The following TMEM132D variants were observed in gnomAD, a reference collection of about 807,000 sequenced individuals.
TMEM132D encodes transmembrane protein 132D, also known as mature OL transmembrane protein.
A neutral mutation model predicts 62.3 loss-of-function variants in TMEM132D; 21 were observed. The observed-to-expected ratio is 0.34, with a 90% CI of 0.24 to 0.49. TMEM132D has a LOEUF of 0.49. TMEM132D is among the 20% of genes least tolerant of loss of function. The probability of loss-of-function intolerance (pLI) is 0.99; values close to 1 mark genes in which losing one functional copy is unlikely to be tolerated. For missense variants in TMEM132D, 1,346 were observed against 1,402.8 expected (o/e 0.96, Z 0.65); for synonymous variants, 621 against 575.6 (o/e 1.08, Z -1.13).
At chr12:129,642,504 T>C (rs182166948) in intron 2 of TMEM132D, among the ~76,000 whole-genome samples, 31 of 152,290 alleles carry the variant, frequency 2.0e-4, no homozygotes, top group African/African-American at 6.5e-4. Flanking sequence ...GATGCAGCTC[T>C]TCCTTCCATC....
chr12:129,503,867 C>G (rs1216357692), intron 3 of TMEM132D, among the ~76,000 whole-genome samples: 1 of 152,040 alleles, frequency 6.6e-6, no homozygotes, highest in Non-Finnish European at 1.5e-5. Flanking sequence ...GATTTTCCTC[C>G]TCCTCCTCAT....
chr12:129,332,371 C>A (rs375397746), intron 4 of TMEM132D, among the ~76,000 whole-genome samples: 258 of 152,122 alleles, frequency 1.7e-3, no homozygotes, highest in African/African-American at 5.6e-3. Context: ...GAAAAAAATA[C>A]AAAATATTAA....
At chr12:129,731,559 A>G (rs1222611438) in intron 1 of TMEM132D, among the ~76,000 whole-genome samples, 1 of 152,184 alleles carries the variant, frequency 6.6e-6, no homozygotes, top group Admixed American at 6.5e-5. Context: ...GAATAACAGC[A>G]AGGAGATCCG....
intron 1 of TMEM132D, among the ~76,000 whole-genome samples, chr12:129,849,584 A>G (rs568455721): frequency 1.1e-4 from 17 of 152,318 alleles, no homozygotes; most frequent in Non-Finnish European, 2.1e-4. Context: ...CACTCCCACC[A>G]AAGAAAAGTT....
At chr12:129,487,639 T>C (rs1167702513) in intron 3 of TMEM132D, among the ~76,000 whole-genome samples, 2 of 151,974 alleles carry the variant, frequency 1.3e-5, no homozygotes, top group Non-Finnish European at 2.9e-5. Context: ...TAGGAAGTCA[T>C]GGAGTCATGA....
At chr12:129,571,478 G>A (rs1877512108) in intron 2 of TMEM132D, among the ~76,000 whole-genome samples, 1 of 152,032 alleles carries the variant, frequency 6.6e-6, no homozygotes, top group African/African-American at 2.4e-5. Context: ...AGGCTGAGGT[G>A]GGAGAATGGC....
intron 3 of TMEM132D, among the ~76,000 whole-genome samples, chr12:129,457,126 A>C (rs1421692253): frequency 6.6e-6 from 1 of 151,920 alleles, no homozygotes; most frequent in Non-Finnish European, 1.5e-5. Context: ...TGCTGCTATA[A>C]AGACACATGC....
intron 5 of TMEM132D, among the ~76,000 whole-genome samples, chr12:129,139,843 TG>T (rs1297093568): frequency 2.0e-5 from 3 of 152,082 alleles, no homozygotes; most frequent in African/African-American, 7.2e-5. Context: ...CCTGAGTAGC[TG>T]GGACTACAGG....
intron 1 of TMEM132D, among the ~76,000 whole-genome samples, chr12:129,755,264 A>G (rs1025938880): frequency 6.6e-6 from 1 of 152,190 alleles, no homozygotes; most frequent in African/African-American, 2.4e-5. Context: ...CTACCTCTCC[A>G]AAGGTTTTTT....
chr12:129,647,084 G>C (rs1430956366), intron 2 of TMEM132D, among the ~76,000 whole-genome samples: 3 of 150,338 alleles, frequency 2.0e-5, no homozygotes, highest in African/African-American at 7.3e-5. Context: ...ACAGGGGTGA[G>C]CCACTGCGCC....
chr12:129,156,235 TC>T (rs1228241120), intron 5 of TMEM132D, among the ~76,000 whole-genome samples: 4 of 149,368 alleles, frequency 2.7e-5, no homozygotes, highest in Non-Finnish European at 3.0e-5. Flanking sequence ...ACTAACCCAC[TC>T]CCAAAATAAC....
intron 3 of TMEM132D, among the ~76,000 whole-genome samples, chr12:129,448,888 A>T (rs1403604745): frequency 6.6e-6 from 1 of 152,208 alleles, no homozygotes; most frequent in Non-Finnish European, 1.5e-5. Flanking sequence ...AGTTGTCCCA[A>T]TGCCAGTAAC....
rs1304572701 is a variant in TMEM132D, at chr12:129,259,977, A to G, written c.1300-50314T>C. Among the ~76,000 whole-genome samples, 3 of 152,154 alleles carry G rather than the reference A, an allele frequency of 2.0e-5. No individual in the cohort carries two copies. The East Asian group carries it at 5.8e-4, about 29-fold the overall frequency. On this transcript the variant is annotated intron_variant, in intron 4 of 8. Transcript: ENST00000422113. ...TTCATTTGGCCATGCTAAGTTTGAGATGTGTTAGACCATTAGACATCCTTA... is the reference window on the plus strand; with the variant it reads ...TTCATTTGGCCATGCTAAGTTTGAGGTGTGTTAGACCATTAGACATCCTTA...
At chr12:129,387,291 A>G (rs1187968966) in intron 3 of TMEM132D, among the ~76,000 whole-genome samples, 1 of 128,298 alleles carries the variant, frequency 7.8e-6, no homozygotes, top group African/African-American at 3.5e-5. Context: ...GTATGTGCCA[A>G]TGCCAACACC....
chr12:129,646,489 G>C (rs1021406741), intron 2 of TMEM132D, among the ~76,000 whole-genome samples: 1 of 152,104 alleles, frequency 6.6e-6, no homozygotes, highest in Non-Finnish European at 1.5e-5. Context: ...CAGGGACAAA[G>C]GCTTTTGTAT....
intron 2 of TMEM132D, among the ~76,000 whole-genome samples, chr12:129,553,322 C>T (rs1233744250): frequency 6.6e-6 from 1 of 152,138 alleles, no homozygotes; most frequent in Non-Finnish European, 1.5e-5. Context: ...CTGTCAGGCT[C>T]GCCTTTCCCC....
chr12:129,484,268 G>A (rs1304463072), intron 3 of TMEM132D, among the ~76,000 whole-genome samples: 7 of 152,096 alleles, frequency 4.6e-5, no homozygotes, highest in Admixed American at 6.6e-5. Context: ...GCAAGTCACC[G>A]CTCCTGACAG....
intron 5 of TMEM132D, among the ~76,000 whole-genome samples, chr12:129,136,046 C>T (rs1293373517): frequency 3.3e-5 from 5 of 152,140 alleles, no homozygotes; most frequent in African/African-American, 1.2e-4. Flanking sequence ...CATAATTCAA[C>T]TCATAACAGA....
chr12:129,499,382 A>G (rs919220022), intron 3 of TMEM132D, among the ~76,000 whole-genome samples: 1 of 152,244 alleles, frequency 6.6e-6, no homozygotes, highest in Non-Finnish European at 1.5e-5. Flanking sequence ...ATCAGAAATT[A>G]GTACATAAAA....
Sources: gnomAD v4.1 joint callset for allele counts (sites outside exome capture counted in the v4.1 genomes callset) on GRCh38, gnomAD v4.1.1 for gene constraint, MANE v1.5 for transcripts, NCBI Gene and HGNC (gene_info 2026-07-23, HGNC 2026-07-21) for gene names.